PAFAH2: variants seen among roughly 807,000 people sequenced by gnomAD.
PAFAH2 encodes the protein platelet activating factor acetylhydrolase 2, also known as platelet-activating factor acetylhydrolase 2, cytoplasmic.
In PAFAH2, 42 loss-of-function variants were observed where a neutral mutation model predicts 49.0. The ratio of observed to expected loss-of-function variants is 0.86; its 90% CI spans 0.67 to 1.11. The LOEUF is 1.11. Among genes scored for constraint, PAFAH2 ranks in the 50% least tolerant of loss-of-function variants. PAFAH2 has a pLI of 0.00. For missense variants in PAFAH2, 503 were observed against 501.8 expected (o/e 1.00, Z -0.02); for synonymous variants, 184 against 181.3 (o/e 1.01, Z -0.12).
At chr1:25,967,965 A>C (rs796649966) in intron 10 of PAFAH2, among the ~76,000 whole-genome samples, 1 of 152,102 alleles carries the variant, frequency 6.6e-6, no homozygotes, top group South Asian at 2.1e-4. Context: ...CAAGAGTTTG[A>C]GTCCAGCCTG....
At chr1:25,970,358 T>C (rs1257351575) in intron 10 of PAFAH2, among the ~76,000 whole-genome samples, 1 of 152,096 alleles carries the variant, frequency 6.6e-6, no homozygotes, top group Non-Finnish European at 1.5e-5. Flanking sequence ...TCCCAGCTAC[T>C]TGGGAGGCTG....
rs201130232 is a variant in PAFAH2, at chr1:25,974,460, C to G, written c.929+20G>C. ...GCAAATGGAGAGGGCCCTGGGATCA[C>G]GACCTTGTGGTTTACTCACAGAACG... is the stretch of plus-strand genomic sequence containing the variant. On this transcript the variant is annotated intron_variant, in intron 9 of 10. Transcript: ENST00000374282. The G allele has an allele frequency of 1.3e-6, 2 of 1,570,662 alleles. No individual in the cohort carries two copies. The highest frequency in any genetic ancestry group is 4.7e-5 in the East Asian group (2 of 42,634).
At chr1:25,987,237 AAAAAT>A (rs59896051) in intron 4 of PAFAH2, among the ~76,000 whole-genome samples, 68,915 of 133,376 alleles carry the variant, frequency 0.52, 18,772 homozygotes, top group East Asian at 0.78. Context: ...CTGTCTCAGA[AAAAAT>A]AAAATAAAAT....
rs562489104 is a variant in PAFAH2, at chr1:25,974,356, A to T, written c.929+124T>A. Reference sequence around the variant, plus strand: ...ATTCTAAAAGAATTTAGACTTTGCAATTCAGGAAGTATTCAGGTATCCTAC... The same window carrying T: ...ATTCTAAAAGAATTTAGACTTTGCATTTCAGGAAGTATTCAGGTATCCTAC... On this transcript the variant is annotated intron_variant, in intron 9 of 10. Transcript: ENST00000374282. 3.8e-4 allele frequency: 258 copies of T among 678,442 alleles called. 1 individual carries two copies. The highest frequency in any genetic ancestry group is 1.3e-3 in the Middle Eastern group (3 of 2,400). 42.0% of individuals were successfully genotyped at this position (678,442 alleles called of 1,614,324 possible).
In PAFAH2 at chr1:25,987,767, T is replaced by C. The variant is rs552931932; in HGVS notation, c.341+464A>G. Among the ~76,000 whole-genome samples, 8 of 151,374 alleles carry C rather than the reference T, an allele frequency of 5.3e-5. No homozygotes were observed. The South Asian group carries it at 1.5e-3, about 28-fold the overall frequency. ...GCCAGGCGTGGTGGTACGTGCCAGC[T>C]ACTTGGTGGCTGAGGCAGGAGCACT... On this transcript the variant is annotated intron_variant, in intron 4 of 10. Transcript: ENST00000374282.
chr1:25,966,718 C>G (rs2049428961), intron 10 of PAFAH2, among the ~76,000 whole-genome samples: 1 of 151,996 alleles, frequency 6.6e-6, no homozygotes, highest in Non-Finnish European at 1.5e-5. Context: ...CAGACTTTAC[C>G]ACGTGCAATA....
chr1:25,989,321 T>C, intron 3 of PAFAH2, 127 bp downstream of exon 3: 1 of 790,530 alleles, frequency 1.3e-6, no homozygotes, highest in South Asian at 3.6e-5. Context: ...CATACCACAC[T>C]GGCTAATGGA....
chr1:25,990,638 G>A (rs189722618), intron 2 of PAFAH2, 89 bp downstream of exon 2: 28 of 1,077,806 alleles, frequency 2.6e-5, no homozygotes, highest in Admixed American at 1.5e-4. Context: ...TTTCCCCACC[G>A]TGGGAATACA....
intron 4 of PAFAH2, among the ~76,000 whole-genome samples, chr1:25,986,768 T>G (rs1557527816): frequency 6.6e-6 from 1 of 151,838 alleles, no homozygotes; most frequent in Non-Finnish European, 1.5e-5. Flanking sequence ...CAACCTCAGG[T>G]GATCCACCCA....
At chr1:25,962,820 AG>A (rs1027397708) in intron 10 of PAFAH2, among the ~76,000 whole-genome samples, 11 of 150,098 alleles carry the variant, frequency 7.3e-5, no homozygotes, top group Admixed American at 3.3e-4. Context: ...ACCATGTCTC[AG>A]AAAAAAAAAA....
intron 4 of PAFAH2, among the ~76,000 whole-genome samples, chr1:25,984,916 T>C (rs1005494414): frequency 6.8e-6 from 1 of 147,370 alleles, no homozygotes; most frequent in African/African-American, 2.5e-5. Context: ...TGGGACTATC[T>C]TGGCCTCGGC....
In PAFAH2 at chr1:25,983,981, C is replaced by G. The variant is rs756956085; in HGVS notation, c.517G>C (p.Glu173Gln). The change falls in exon 6 of 11, where the codon GAA becomes CAA. Residue 173 changes from glutamate (E) to glutamine (Q), a missense_variant. Transcript: ENST00000374282. ...EEWIPFRRVEEGEKEFHVRNP... is the reference protein window; with the variant it reads ...EEWIPFRRVEQGEKEFHVRNP... ...CGAACATGAAATTCCTTCTCCCCTT[C>G]CTCAACTCGACGGAAAGGGATCCAT... is the stretch of plus-strand genomic sequence containing the variant. The G allele has an allele frequency of 2.5e-6, 4 of 1,614,098 alleles. No homozygotes were observed. In the Admixed American group the frequency reaches 6.7e-5, roughly 27 times the overall value.
At chr1:25,972,019 T>C (rs2049516120) in intron 10 of PAFAH2, among the ~76,000 whole-genome samples, 1 of 152,198 alleles carries the variant, frequency 6.6e-6, no homozygotes, top group African/African-American at 2.4e-5. Context: ...AGAGGTTAAA[T>C]GACTAGGCCA....
At chr1:25,997,687 T>A (rs1478418680) in intron 1 of PAFAH2, 1 of 152,456 alleles carries the variant, frequency 6.6e-6, no homozygotes, top group East Asian at 1.9e-4. Flanking sequence ...TGGAGGAGCA[T>A]AAAGAAGCCC....
intron 7 of PAFAH2, among the ~76,000 whole-genome samples, chr1:25,980,995 T>A (rs538393756): frequency 2.6e-5 from 4 of 151,854 alleles, no homozygotes; most frequent in South Asian, 4.2e-4. Flanking sequence ...CTCAAAAAAA[T>A]AAATAAATAA....
chr1:25,984,615 A>C, intron 4 of PAFAH2, 87 bp from the exon 5 acceptor site: 1 of 1,027,032 alleles, frequency 9.7e-7, no homozygotes, highest in African/African-American at 1.6e-5. Context: ...GCTAGCAGCC[A>C]TCTTGTGGAA....
intron 10 of PAFAH2, among the ~76,000 whole-genome samples, chr1:25,967,174 A>G (rs912318166): frequency 1.3e-5 from 2 of 152,106 alleles, no homozygotes; most frequent in African/African-American, 4.8e-5. Context: ...AAGTGATTCA[A>G]TTCCATGTGT....
intron 7 of PAFAH2, among the ~76,000 whole-genome samples, chr1:25,980,611 T>TTATATATATATA (rs1553136351): frequency 1.3e-5 from 1 of 74,206 alleles, no homozygotes; most frequent in African/African-American, 3.2e-5. Flanking sequence ...TGGGCCATAT[T>TTATATATATATA]TATATATATA....
At position 25,960,483 on chromosome 1, in the gene PAFAH2, A is replaced by C. The variant is rs1326214253; in HGVS notation, c.*1506T>G. ...CCAAGTAGTAAGCGAACACAGAAGA[A>C]AGACAGAAGGAAGTCAATTCCAGAT... On this transcript the variant is annotated 3_prime_UTR_variant, in exon 11 of 11. Transcript: ENST00000374282. 5 of 152,660 alleles carry C rather than the reference A, an allele frequency of 3.3e-5. No individual in the cohort carries two copies. The highest frequency in any genetic ancestry group is 1.2e-4 in the African/African-American group (5 of 41,456). The allele number at this position is 152,660 out of a possible 1,614,324, so 9.5% of individuals were successfully genotyped here.
Sources: gnomAD v4.1 joint callset for allele counts (sites outside exome capture counted in the v4.1 genomes callset) on GRCh38, gnomAD v4.1.1 for gene constraint, MANE v1.5 for transcripts, NCBI Gene and HGNC (gene_info 2026-07-23, HGNC 2026-07-21) for gene names.